Variants in SMG7 observed in about 807,000 individuals in gnomAD.
SMG7 encodes nonsense-mediated mRNA decay factor SMG7.
SMG7 carries 34 observed loss-of-function variants against 148.2 expected under a neutral mutation model. The observed-to-expected ratio is 0.23, with a 90% CI of 0.17 to 0.31. The LOEUF (loss-of-function observed/expected upper bound fraction) is 0.31. Among genes scored for constraint, SMG7 ranks in the 10% least tolerant of loss-of-function variants. The pLI is 1.00. For synonymous variants in SMG7, 492 were observed against 515.1 expected (o/e 0.96, Z 0.61); for missense variants, 1,114 against 1,408.4 (o/e 0.79, Z 3.35).
intron 2 of SMG7, among the ~76,000 whole-genome samples, chr1:183,515,650 T>C (rs1247248484): frequency 6.6e-6 from 1 of 151,904 alleles, no homozygotes; most frequent in Non-Finnish European, 1.5e-5. Flanking sequence ...TGATATTATT[T>C]CAAAACTAAA....
chr1:183,546,505 A>G lies in SMG7; in HGVS notation c.2742+168A>G, dbSNP rs111582062. 5.9e-3 allele frequency among the ~76,000 whole-genome samples: 901 copies of G among 152,274 alleles called. 8 individuals carry two copies. Among genetic ancestry groups the G allele is most frequent in the African/African-American group, 0.02 (813 of 41,540 alleles). ...GGTTTCCTCCTCAGAGTTGCACAGT[A>G]TGTTTTAGTTTGGAAGCTGAAGAAT... On this transcript the variant is annotated intron_variant, in intron 17 of 22. Transcript: ENST00000688051.
At chr1:183,543,313 T>G (rs958607414) in intron 14 of SMG7, among the ~76,000 whole-genome samples, 6 of 152,188 alleles carry the variant, frequency 3.9e-5, no homozygotes, top group Admixed American at 2.6e-4. Context: ...AAACTTTACA[T>G]TGTTGAAGGC....
At chr1:183,511,482 C>T (rs572131683) in intron 1 of SMG7, among the ~76,000 whole-genome samples, 41 of 152,010 alleles carry the variant, frequency 2.7e-4, no homozygotes, top group African/African-American at 9.7e-4. Flanking sequence ...TTATAAAGAC[C>T]CCTAGTGTGA....
At chr1:183,542,621 A>T in intron 14 of SMG7, 119 bp downstream of exon 14, 1 of 752,078 alleles carries the variant, frequency 1.3e-6, no homozygotes, top group African/African-American at 1.8e-5. Context: ...GCATTATTTA[A>T]TTGCATAGTA....
At chr1:183,492,408 T>C (rs1571814920) in intron 1 of SMG7, among the ~76,000 whole-genome samples, 1 of 152,232 alleles carries the variant, frequency 6.6e-6, no homozygotes, top group Admixed American at 6.5e-5. Context: ...TGTTCTGTCC[T>C]ATTTCTCTGC....
At chr1:183,494,041 G>T (rs186381812) in intron 1 of SMG7, among the ~76,000 whole-genome samples, 145 of 152,154 alleles carry the variant, frequency 9.5e-4, no homozygotes, top group African/African-American at 2.7e-3. Flanking sequence ...AGGCTGCAGT[G>T]CAGTGACACC....
chr1:183,506,303 G>A (rs1464795179), intron 1 of SMG7, among the ~76,000 whole-genome samples: 3 of 152,114 alleles, frequency 2.0e-5, no homozygotes, highest in African/African-American at 7.2e-5. Context: ...GCCCTAAAGT[G>A]CTGTAAAGAG....
chr1:183,524,289 ATTTG>A, intron 4 of SMG7, among the ~76,000 whole-genome samples: 1 of 151,730 alleles, frequency 6.6e-6, no homozygotes, highest in East Asian at 1.9e-4. Flanking sequence ...ATATTCATTC[ATTTG>A]TTTATTTTGT....
At chr1:183,534,055 C>G (rs1335026778) in intron 10 of SMG7, among the ~76,000 whole-genome samples, 1 of 152,224 alleles carries the variant, frequency 6.6e-6, no homozygotes, top group African/African-American at 2.4e-5. Context: ...TCCTTGTACA[C>G]TCCCTTGTTC....
chr1:183,481,928 C>T (rs1322057500), intron 1 of SMG7, among the ~76,000 whole-genome samples: 1 of 151,820 alleles, frequency 6.6e-6, no homozygotes, highest in Non-Finnish European at 1.5e-5. Context: ...ATCCTCTTGC[C>T]TCAGCCTCCC....
intron 6 of SMG7, among the ~76,000 whole-genome samples, chr1:183,528,606 G>C (rs1350819012): frequency 6.6e-6 from 1 of 151,704 alleles, no homozygotes; most frequent in Non-Finnish European, 1.5e-5. Flanking sequence ...AGAGTTGAGT[G>C]GTTGTGATAG....
chr1:183,472,570 C>T lies in SMG7; in HGVS notation c.-51C>T. The stretch of plus-strand genomic sequence containing the variant: ...GTGCCGCGGGGCCGCTCCGAGGAGC[C>T]TGAGAGACCCACGGAGGCTTCGCGG... On this transcript the variant is annotated 5_prime_UTR_variant, in exon 1 of 23. Transcript: ENST00000688051. 7.2e-7 allele frequency: 1 copy of T among 1,397,854 alleles called. No individual in the cohort carries two copies. The highest frequency in any genetic ancestry group is 9.4e-7 in the Non-Finnish European group (1 of 1,066,884). The allele number at this position is 1,397,854 out of a possible 1,614,324, so 86.6% of individuals were successfully genotyped here. A position where few individuals can be genotyped will look rare whatever the true frequency, so the allele number is the denominator to read the frequency against.
chr1:183,489,792 T>C (rs1162640938), intron 1 of SMG7, among the ~76,000 whole-genome samples: 2 of 152,214 alleles, frequency 1.3e-5, no homozygotes, highest in Non-Finnish European at 1.5e-5. Context: ...TTTGTTACTC[T>C]ACCTATTTAG....
intron 1 of SMG7, among the ~76,000 whole-genome samples, chr1:183,480,043 G>T (rs1317849071): frequency 6.6e-6 from 1 of 152,182 alleles, no homozygotes; most frequent in African/African-American, 2.4e-5. Context: ...GAGAAGTGGT[G>T]ATGTGGAAGT....
intron 8 of SMG7, among the ~76,000 whole-genome samples, chr1:183,529,946 T>G (rs1026858630): frequency 6.6e-6 from 1 of 152,172 alleles, no homozygotes; most frequent in African/African-American, 2.4e-5. Flanking sequence ...GTAGTTTGAA[T>G]GAAAGGAATG....
At chr1:183,492,268 C>T (rs1207838393) in intron 1 of SMG7, among the ~76,000 whole-genome samples, 1 of 152,162 alleles carries the variant, frequency 6.6e-6, no homozygotes, top group African/African-American at 2.4e-5. Context: ...TCCAGCATCA[C>T]TTGTTGAGAA....
At chr1:183,484,541 A>G (rs1361120876) in intron 1 of SMG7, among the ~76,000 whole-genome samples, 3 of 152,060 alleles carry the variant, frequency 2.0e-5, no homozygotes, top group East Asian at 1.9e-4. Flanking sequence ...ATTTGAAGCT[A>G]CAAGTGATGG....
rs780401931 is a variant in SMG7 at position 183,542,181 on chromosome 1, A to G, written c.1521A>G (p.Gln507=). ...AAGCCAAAGAGAACCTCATTCTGCA[A>G]GAAACATCTGTGATAGAGTCGCTGG... The part of the protein sequence containing the change: ...PSEAKENLIL[Q]ETSVIESLAA... The change falls in exon 14 of 23, where the codon CAA becomes CAG. Residue 507 remains glutamine (Q), a synonymous_variant. Coordinates refer to ENST00000688051, the MANE Select transcript of SMG7 (RefSeq NM_001375584.1). 6 of 1,614,174 alleles carry G rather than the reference A, an allele frequency of 3.7e-6. No individual in the cohort carries two copies. Among genetic ancestry groups the G allele is most frequent in the Non-Finnish European group, 5.1e-6 (6 of 1,180,000 alleles).
chr1:183,541,012 G>A lies in SMG7; in HGVS notation c.1324G>A (p.Gly442Ser), dbSNP rs1183404368. ...RNLDFSKGHQ[G>S]ITGDKEGQQR... ...CTTGGATTTTTCCAAAGGTCACCAGGGTATTACAGGGGACAAAGAAGGCCA... is the reference window on the plus strand; with the variant it reads ...CTTGGATTTTTCCAAAGGTCACCAGAGTATTACAGGGGACAAAGAAGGCCA... Residue 442 changes from glycine to serine, a missense_variant, in exon 13 of 23, where the codon GGT (glycine) becomes AGT (serine). By Grantham distance (56) the Gly-to-Ser change is moderately conservative. Transcript: ENST00000688051. The A allele has an allele frequency of 1.2e-6, 2 of 1,613,266 alleles. No homozygotes were observed. The highest frequency in any genetic ancestry group is 1.7e-5 in the Admixed American group (1 of 60,012).
Sources: allele counts gnomAD v4.1 joint callset (sites outside exome capture counted in the v4.1 genomes callset), GRCh38; gene constraint gnomAD v4.1.1; transcripts MANE v1.5; gene names NCBI Gene and HGNC (gene_info 2026-07-23, HGNC 2026-07-21).